FECH: variants seen among roughly 807,000 people sequenced by gnomAD.
FECH encodes ferrochelatase.
A neutral mutation model predicts 56.9 loss-of-function variants in FECH; 40 were observed. That is an observed-to-expected ratio of 0.70 (90% CI 0.55 to 0.92). The LOEUF (loss-of-function observed/expected upper bound fraction) is 0.92. FECH is among the 40% of genes least tolerant of loss of function. The pLI, the probability that FECH is intolerant of heterozygous loss-of-function variation, is 0.00. For missense variants in FECH, 431 were observed against 529.1 expected, an observed-to-expected ratio of 0.81 and a Z score of 1.82; for synonymous variants, 175 against 198.6, an observed-to-expected ratio of 0.88 and a Z score of 1.00.
chr18:57,571,325 T>A (rs1245552913), intron 4 of FECH, 67 bp downstream of exon 4: 2 of 1,540,762 alleles, frequency 1.3e-6, no homozygotes, highest in East Asian at 4.5e-5. Flanking sequence ...CATCTACTAC[T>A]CTTTTGAATT....
chr18:57,585,663 C>G lies in FECH; in HGVS notation c.67+891G>C, dbSNP rs139648109. Among the ~76,000 whole-genome samples, 84 of 152,330 alleles carry G rather than the reference C, an allele frequency of 5.5e-4. 1 individual carries two copies. Among genetic ancestry groups the G allele is most frequent in the African/African-American group, 1.8e-3 (76 of 41,588 alleles). On this transcript the variant is annotated intron_variant, in intron 1 of 10. Coordinates refer to ENST00000262093, the MANE Select transcript of FECH (RefSeq NM_000140.5). ...CCCTCCACTCCAAGTAGGTGTCAGACTGACGAACGTCTTAGAAAAATATGT... is the reference window on the plus strand; with the variant it reads ...CCCTCCACTCCAAGTAGGTGTCAGAGTGACGAACGTCTTAGAAAAATATGT...
At chr18:57,580,666 G>C (rs1388168266) in intron 1 of FECH, among the ~76,000 whole-genome samples, 1 of 152,134 alleles carries the variant, frequency 6.6e-6, no homozygotes, top group Non-Finnish European at 1.5e-5. Flanking sequence ...CTCGTGCTGA[G>C]AACCCAGTAC....
chr18:57,561,417 G>A (rs1236170090), intron 6 of FECH, among the ~76,000 whole-genome samples: 1 of 152,108 alleles, frequency 6.6e-6, no homozygotes, highest in Non-Finnish European at 1.5e-5. Flanking sequence ...GCTTGCAACA[G>A]CCTCTAAGCC....
chr18:57,580,618 A>G (rs2051264644), intron 1 of FECH, among the ~76,000 whole-genome samples: 1 of 152,138 alleles, frequency 6.6e-6, no homozygotes, highest in Admixed American at 6.5e-5. Context: ...AAATAGCTGC[A>G]GTTCTCCTTT....
At chr18:57,563,919 C>A (rs1452742644) in intron 5 of FECH, among the ~76,000 whole-genome samples, 2 of 152,100 alleles carry the variant, frequency 1.3e-5, no homozygotes, top group Non-Finnish European at 2.9e-5. Context: ...GCTCTTGTTG[C>A]CCAGGCTGGA....
At chr18:57,567,704 G>C (rs888005041) in intron 4 of FECH, 1 of 152,214 alleles carries the variant, frequency 6.6e-6, no homozygotes, top group African/African-American at 2.4e-5. Flanking sequence ...AAAGACGGGA[G>C]TTTATCTCAT....
intron 8 of FECH, 58 bp downstream of exon 8, chr18:57,554,787 T>C (rs2050846837): frequency 4.3e-6 from 6 of 1,391,438 alleles, no homozygotes; most frequent in African/African-American, 1.4e-5. Context: ...ATTTTATAAC[T>C]CATAAAATAA....
intron 1 of FECH, chr18:57,586,085 AAG>A (rs2051367740): frequency 6.4e-6 from 1 of 157,246 alleles, no homozygotes; most frequent in Non-Finnish European, 1.4e-5. Flanking sequence ...TCCCGCTGCT[AAG>A]GAGAAGTGGG....
intron 7 of FECH, among the ~76,000 whole-genome samples, chr18:57,556,144 T>C (rs2050864748): frequency 1.3e-5 from 2 of 152,076 alleles, no homozygotes; most frequent in East Asian, 3.9e-4. Flanking sequence ...CAAAAAATTA[T>C]ATATATATAC....
At chr18:57,559,026 G>C in intron 7 of FECH, 119 bp downstream of exon 7, 2 of 742,798 alleles carry the variant, frequency 2.7e-6, no homozygotes, top group Non-Finnish European at 4.9e-6. Flanking sequence ...TGAGATTTGA[G>C]AATTCATTCT....
At chr18:57,558,340 A>T (rs1043338594) in intron 7 of FECH, among the ~76,000 whole-genome samples, 2 of 152,232 alleles carry the variant, frequency 1.3e-5, no homozygotes, top group African/African-American at 4.8e-5. Flanking sequence ...CATCTGGATG[A>T]ATAGCCTAGT....
At position 57,579,940 on chromosome 18, in the gene FECH, T is replaced by C. The variant is rs1473615192; in HGVS notation, c.194+133A>G. 7 of 1,233,902 alleles carry C rather than the reference T, an allele frequency of 5.7e-6. No homozygotes were observed. In the East Asian group the frequency reaches 1.6e-4, roughly 29 times the overall value. 76.4% of individuals were successfully genotyped at this position (1,233,902 alleles called of 1,614,324 possible). ...GTAAAATCTATGGTTTAACAGCTATTGAAAGGAAGCCAAGAAAATAGCTCC... is the reference window on the plus strand; with the variant it reads ...GTAAAATCTATGGTTTAACAGCTATCGAAAGGAAGCCAAGAAAATAGCTCC... On this transcript the variant is annotated intron_variant, in intron 2 of 10. Coordinates refer to ENST00000262093, the MANE Select transcript of FECH (RefSeq NM_000140.5).
intron 1 of FECH, among the ~76,000 whole-genome samples, chr18:57,582,944 G>C (rs936180281): frequency 6.6e-6 from 1 of 151,728 alleles, no homozygotes; most frequent in Non-Finnish European, 1.5e-5. Flanking sequence ...GCGGTGGGGA[G>C]GGACTAGATT....
chr18:57,547,266 A>C lies in FECH; in HGVS notation c.*3446T>G, dbSNP rs2050732106. Reference sequence around the variant, plus strand: ...TGTTGTGAAGGCATGATTGGTTTTGAAATGTAAAAAGGACATGTGATTTGG... The same window carrying C: ...TGTTGTGAAGGCATGATTGGTTTTGCAATGTAAAAAGGACATGTGATTTGG... On this transcript the variant is annotated 3_prime_UTR_variant, in exon 11 of 11. Transcript: ENST00000262093. Among the ~76,000 whole-genome samples the C allele has an allele frequency of 6.6e-6, 1 of 152,116 alleles. No individual in the cohort carries two copies. The highest frequency in any genetic ancestry group is 2.4e-5 in the African/African-American group (1 of 41,426).
Position 57,544,770 on chromosome 18 carries a change from C to T in FECH, c.*5942G>A, listed in dbSNP as rs1598968295. Among the ~76,000 whole-genome samples, 1 of 152,152 alleles carries T rather than the reference C, an allele frequency of 6.6e-6. No homozygotes were observed. The highest frequency in any genetic ancestry group is 2.4e-5 in the African/African-American group (1 of 41,434). The stretch of plus-strand genomic sequence containing the variant: ...AACAACTTATGTACTGTGTTATTAA[C>T]GTTTTTCCCATCACTTTCTTAAGTC... On this transcript the variant is annotated 3_prime_UTR_variant, in exon 11 of 11. Coordinates refer to ENST00000262093, the MANE Select transcript of FECH (RefSeq NM_000140.5).
intron 7 of FECH, among the ~76,000 whole-genome samples, chr18:57,555,613 G>GCTTTAAATA (rs1483342221): frequency 1.3e-5 from 2 of 152,142 alleles, no homozygotes; most frequent in Non-Finnish European, 2.9e-5. Flanking sequence ...AATATTTACT[G>GCTTTAAATA]TGTACTGACT....
Position 57,549,206 on chromosome 18 carries a change from T to C in FECH, c.*1506A>G, listed in dbSNP as rs2050762052. 2 of 152,342 alleles carry C rather than the reference T, an allele frequency of 1.3e-5. No individual in the cohort carries two copies. Among genetic ancestry groups the C allele is most frequent in the East Asian group, 1.9e-4 (1 of 5,192 alleles). 9.4% of individuals were successfully genotyped at this position (152,342 alleles called of 1,614,324 possible). A position where few individuals can be genotyped will look rare whatever the true frequency, so the allele number is the denominator to read the frequency against. ...CTACTCATGAGGGCTGTCATCAACG[T>C]AGGAAAACTATTAACTCAAGTGGAT... On this transcript the variant is annotated 3_prime_UTR_variant, in exon 11 of 11. Coordinates refer to ENST00000262093, the MANE Select transcript of FECH (RefSeq NM_000140.5).
In FECH at chr18:57,562,996, A is replaced by G. The variant is rs1401830041; in HGVS notation, c.599-16T>C. 6.3e-7 allele frequency: 1 copy of G among 1,591,984 alleles called. No individual in the cohort carries two copies. The highest frequency in any genetic ancestry group is 1.7e-4 in the Middle Eastern group (1 of 6,048). On this transcript the variant is annotated splice_polypyrimidine_tract_variant and intron_variant, in intron 5 of 10. Transcript: ENST00000262093. ...AAGCTGCTGCCTGAAATATACAGAG[A>G]CCACTTAGTAGATGCATTTTGATTA...
chr18:57,577,558 T>C (rs2051201156), intron 2 of FECH, among the ~76,000 whole-genome samples: 1 of 152,210 alleles, frequency 6.6e-6, no homozygotes, highest in Admixed American at 6.5e-5. Flanking sequence ...CCATTTCTAA[T>C]ATTAAAAAAC....
Sources: gnomAD v4.1 joint callset for allele counts (sites outside exome capture counted in the v4.1 genomes callset) on GRCh38, gnomAD v4.1.1 for gene constraint, MANE v1.5 for transcripts, NCBI Gene and HGNC (gene_info 2026-07-23, HGNC 2026-07-21) for gene names.